Variants in PTPRD observed in about 807,000 individuals in gnomAD.
The protein encoded by PTPRD is receptor-type tyrosine-protein phosphatase delta.
In PTPRD, 34 loss-of-function variants were observed where a neutral mutation model predicts 214.5. The observed-to-expected ratio is 0.16, with a 90% CI of 0.12 to 0.21. The LOEUF is 0.21. Ranked by LOEUF, PTPRD falls within the 10% of genes least tolerant of loss-of-function variation. The pLI is 1.00. For synonymous variants in PTPRD, 1,128 were observed against 845.7 expected (o/e 1.33, Z -5.79); for missense variants, 2,545 against 2,398.7 (o/e 1.06, Z -1.27).
chr9:9,775,914 C>T (rs2098794748), intron 5 of PTPRD, among the ~76,000 whole-genome samples: 1 of 140,874 alleles, frequency 7.1e-6, no homozygotes, highest in South Asian at 2.4e-4. Flanking sequence ...CAAGATCGGG[C>T]CACTGCCTCC....
At chr9:10,224,173 G>T (rs1402891872) in intron 3 of PTPRD, among the ~76,000 whole-genome samples, 1 of 151,816 alleles carries the variant, frequency 6.6e-6, no homozygotes, top group South Asian at 2.1e-4. Context: ...TTTGTTGAAT[G>T]CTTACATTAT....
chr9:8,610,942 A>C (rs574089942), intron 14 of PTPRD, among the ~76,000 whole-genome samples: 1 of 152,354 alleles, frequency 6.6e-6, no homozygotes, highest in Non-Finnish European at 1.5e-5. Flanking sequence ...AAGCCTAGCT[A>C]ATTACATTAA....
intron 9 of PTPRD, among the ~76,000 whole-genome samples, chr9:9,188,912 G>C (rs780265644): frequency 1.3e-5 from 2 of 151,902 alleles, no homozygotes; most frequent in East Asian, 3.9e-4. Flanking sequence ...AGTGGAAAGA[G>C]TCTCTTTACA....
At chr9:8,556,558 A>ATATTTCTTTTTTTTTTTTTTTTTT in intron 14 of PTPRD, among the ~76,000 whole-genome samples, 3 of 152,138 alleles carry the variant, frequency 2.0e-5, no homozygotes, top group African/African-American at 7.2e-5. Flanking sequence ...TGTGTATTTT[A>ATATTTCTTTTTTTTTTTTTTTTTT]TATTTCTTTA....
chr9:8,318,531 T>A (rs1823859126), intron 45 of PTPRD, among the ~76,000 whole-genome samples: 1 of 152,088 alleles, frequency 6.6e-6, no homozygotes. Context: ...CACTTACATA[T>A]GATGTTCATA....
intron 6 of PTPRD, among the ~76,000 whole-genome samples, chr9:9,760,789 A>G (rs1015343655): frequency 2.0e-5 from 3 of 152,192 alleles, no homozygotes; most frequent in Non-Finnish European, 4.4e-5. Flanking sequence ...AACCACATGA[A>G]AAGACGTTCA....
chr9:9,082,740 A>G (rs2099761100), intron 10 of PTPRD, among the ~76,000 whole-genome samples: 1 of 152,176 alleles, frequency 6.6e-6, no homozygotes, highest in African/African-American at 2.4e-5. Context: ...AATCACAAGC[A>G]TTCCTACACA....
At chr9:9,967,780 G>A (rs752066712) in intron 4 of PTPRD, among the ~76,000 whole-genome samples, 38 of 152,080 alleles carry the variant, frequency 2.5e-4, no homozygotes, top group African/African-American at 5.8e-4. Context: ...TTGAACATGC[G>A]TAAAAAGTTG....
intron 2 of PTPRD, among the ~76,000 whole-genome samples, chr9:10,414,705 T>C (rs1255706027): frequency 1.3e-5 from 2 of 151,858 alleles, no homozygotes; most frequent in African/African-American, 4.8e-5. Context: ...CCATCAATGA[T>C]AGATGGGATA....
At chr9:10,165,932 T>C (rs2099156306) in intron 3 of PTPRD, among the ~76,000 whole-genome samples, 1 of 150,020 alleles carries the variant, frequency 6.7e-6, no homozygotes, top group Non-Finnish European at 1.5e-5. Context: ...TATGCAGACA[T>C]AATCTATGTT....
intron 5 of PTPRD, among the ~76,000 whole-genome samples, chr9:9,825,453 A>G (rs2052471143): frequency 6.6e-6 from 1 of 151,374 alleles, no homozygotes; most frequent in African/African-American, 2.4e-5. Flanking sequence ...AAGAAAGAGA[A>G]AGAGAGAAAG....
rs2064773030 is a variant in PTPRD, at chr9:9,388,712, A to G, written c.-203+8737T>C. On this transcript the variant is annotated intron_variant, in intron 9 of 45. Coordinates refer to ENST00000381196, the MANE Select transcript of PTPRD (RefSeq NM_002839.4). ...ATCTGCCATAAAAAAATTAAATAAA[A>G]ATATTTTATTCCAGTAATTATAGGT... is the stretch of plus-strand genomic sequence containing the variant. 1.3e-5 allele frequency among the ~76,000 whole-genome samples: 2 copies of G among 152,304 alleles called. 1 individual carries two copies. The highest frequency in any genetic ancestry group is 3.9e-4 in the East Asian group (2 of 5,178).
Position 9,029,375 on chromosome 9 carries a change from T to C in PTPRD, c.-142-10640A>G, listed in dbSNP as rs145592041. On this transcript the variant is annotated intron_variant, in intron 10 of 45. Coordinates refer to ENST00000381196, the MANE Select transcript of PTPRD (RefSeq NM_002839.4). ...GTTAGGAGGGGCTAGAGATTAGAAA[T>C]TTAAAAAATGATAACCTACTCAAGG... Among the ~76,000 whole-genome samples, 83 of 151,810 alleles carry C rather than the reference T, an allele frequency of 5.5e-4. No individual in the cohort carries two copies. In the East Asian group the frequency reaches 0.015, roughly 28 times the overall value.
chr9:9,356,589 G>T (rs1392863422), intron 9 of PTPRD, among the ~76,000 whole-genome samples: 4 of 151,412 alleles, frequency 2.6e-5, no homozygotes, highest in African/African-American at 9.7e-5. Context: ...TTTGAAGAAA[G>T]AATTGTGTTG....
At chr9:10,573,434 G>C (rs2068125236) in intron 2 of PTPRD, among the ~76,000 whole-genome samples, 1 of 152,126 alleles carries the variant, frequency 6.6e-6, no homozygotes, top group Non-Finnish European at 1.5e-5. Context: ...TATCCTCATA[G>C]TGCACACAGG....
At chr9:9,537,200 T>C (rs533395826) in intron 8 of PTPRD, among the ~76,000 whole-genome samples, 24 of 151,974 alleles carry the variant, frequency 1.6e-4, no homozygotes, top group Non-Finnish European at 3.2e-4. Flanking sequence ...TTTCATGAAA[T>C]TCCTACCAAG....
chr9:8,799,819 C>T (rs10123595), intron 11 of PTPRD, among the ~76,000 whole-genome samples: 51,762 of 151,746 alleles, frequency 0.34, 8,982 homozygotes, highest in African/African-American at 0.38. Context: ...AATTACACTT[C>T]TAATGTTTTG....
intron 8 of PTPRD, among the ~76,000 whole-genome samples, chr9:9,493,984 G>C (rs564728033): frequency 6.6e-6 from 1 of 151,984 alleles, no homozygotes; most frequent in Non-Finnish European, 1.5e-5. Flanking sequence ...AATATCAACC[G>C]TAACAGAGTT....
At chr9:9,139,935 T>A (rs2099857230) in intron 10 of PTPRD, among the ~76,000 whole-genome samples, 1 of 152,130 alleles carries the variant, frequency 6.6e-6, no homozygotes, top group African/African-American at 2.4e-5. Context: ...CCTAGTACCC[T>A]GGTTGTCCAT....
Sources: allele counts gnomAD v4.1 joint callset (sites outside exome capture counted in the v4.1 genomes callset), GRCh38; gene constraint gnomAD v4.1.1; transcripts MANE v1.5; gene names NCBI Gene and HGNC (gene_info 2026-07-23, HGNC 2026-07-21).